Variants in DLG2 observed in about 807,000 individuals in gnomAD.
The protein encoded by DLG2 is disks large homolog 2.
A neutral mutation model predicts 132.5 loss-of-function variants in DLG2; 45 were observed. The ratio of observed to expected loss-of-function variants is 0.34; its 90% confidence interval spans 0.27 to 0.44. DLG2 has a LOEUF of 0.44. DLG2 is among the 20% of genes least tolerant of loss of function. DLG2 has a pLI of 1.00. For synonymous variants in DLG2, 424 were observed against 419.6 expected, an observed-to-expected ratio of 1.01 and a Z score of -0.13; for missense variants, 1,045 against 1,196.9, an observed-to-expected ratio of 0.87 and a Z score of 1.87.
chr11:84,289,113 A>G (rs1302042375), intron 7 of DLG2, among the ~76,000 whole-genome samples: 2 of 152,128 alleles, frequency 1.3e-5, no homozygotes, highest in Non-Finnish European at 1.5e-5. Flanking sequence ...ACTTCCTTTC[A>G]TAATGAAAGG....
chr11:84,306,134 C>A (rs1028535286), intron 7 of DLG2, among the ~76,000 whole-genome samples: 4 of 149,758 alleles, frequency 2.7e-5, no homozygotes, highest in Non-Finnish European at 6.0e-5. Flanking sequence ...AGATTTCACA[C>A]GTTTTTTTCA....
Position 83,912,589 on chromosome 11 carries a change from G to A in DLG2, c.1496+17739C>T, listed in dbSNP as rs1035770803. Among the ~76,000 whole-genome samples, 10 of 152,134 alleles carry A rather than the reference G, an allele frequency of 6.6e-5. No individual in the cohort carries two copies. In the South Asian group the frequency reaches 1.2e-3, roughly 19 times the overall value. ...CGTTTTAGTTTTTTAAATGAAGCGC[G>A]TTAACATAATATCTACTATCTATCA... On this transcript the variant is annotated intron_variant, in intron 15 of 27. Transcript: ENST00000376104.
At chr11:83,462,349 A>G (rs1009151981) in intron 26 of DLG2, among the ~76,000 whole-genome samples, 24 of 152,170 alleles carry the variant, frequency 1.6e-4, no homozygotes, top group African/African-American at 5.8e-4. Flanking sequence ...TATGATTTGT[A>G]GTCACTGGTC....
chr11:83,692,148 C>T (rs2081108287), intron 18 of DLG2: 1 of 152,160 alleles, frequency 6.6e-6, no homozygotes, highest in Admixed American at 6.5e-5. Context: ...GTAAAGGAGC[C>T]TGTTATAAAG....
chr11:85,193,244 G>C (rs185778802), intron 4 of DLG2, among the ~76,000 whole-genome samples: 82 of 152,256 alleles, frequency 5.4e-4, no homozygotes, highest in African/African-American at 1.9e-3. Context: ...GCATGTATCA[G>C]CAGCACACGC....
chr11:85,160,873 C>A (rs1343168982), intron 4 of DLG2, among the ~76,000 whole-genome samples: 1 of 152,190 alleles, frequency 6.6e-6, no homozygotes, highest in Non-Finnish European at 1.5e-5. Flanking sequence ...AGCACTACAA[C>A]CCCTTTCTAG....
chr11:84,819,969 G>T (rs1404750520), intron 6 of DLG2, among the ~76,000 whole-genome samples: 1 of 151,210 alleles, frequency 6.6e-6, no homozygotes, highest in East Asian at 2.0e-4. Context: ...CTGCTACAAA[G>T]AGGTAGGATT....
intron 18 of DLG2, among the ~76,000 whole-genome samples, chr11:83,730,384 A>G (rs938234262): frequency 6.6e-6 from 1 of 152,168 alleles, no homozygotes. Flanking sequence ...TACTTAAGCT[A>G]TAATGTATAT....
At chr11:85,591,616 G>A (rs2079345390) in intron 3 of DLG2, among the ~76,000 whole-genome samples, 1 of 152,138 alleles carries the variant, frequency 6.6e-6, no homozygotes, top group Non-Finnish European at 1.5e-5. Flanking sequence ...GGTGGCACAT[G>A]CCTGTAGTCC....
chr11:84,450,765 C>A (rs1835214233), intron 7 of DLG2, among the ~76,000 whole-genome samples: 1 of 151,696 alleles, frequency 6.6e-6, no homozygotes, highest in Non-Finnish European at 1.5e-5. Context: ...CTATTTAATA[C>A]ATCTATTTTT....
chr11:84,168,590 GA>G (rs1266305179), intron 8 of DLG2, among the ~76,000 whole-genome samples: 51 of 152,228 alleles, frequency 3.4e-4, no homozygotes, highest in African/African-American at 1.2e-3. Context: ...ATGACTATGT[GA>G]GTGAGTAAGT....
intron 4 of DLG2, among the ~76,000 whole-genome samples, chr11:85,224,420 C>G (rs1210341334): frequency 6.6e-6 from 1 of 152,122 alleles, no homozygotes; most frequent in Non-Finnish European, 1.5e-5. Context: ...TTCTTAAGTC[C>G]TTATCTCTGC....
intron 16 of DLG2, among the ~76,000 whole-genome samples, chr11:83,837,895 G>C (rs1402514958): frequency 6.6e-6 from 1 of 151,952 alleles, no homozygotes; most frequent in East Asian, 1.9e-4. Flanking sequence ...AAATAAGAGG[G>C]TGGATTAGAG....
At chr11:84,678,638 T>C (rs2099720993) in intron 6 of DLG2, among the ~76,000 whole-genome samples, 1 of 152,102 alleles carries the variant, frequency 6.6e-6, no homozygotes, top group Non-Finnish European at 1.5e-5. Context: ...TGGCACATAA[T>C]GATCACTGAA....
At chr11:84,196,020 C>G (rs1205103384) in intron 8 of DLG2, among the ~76,000 whole-genome samples, 2 of 151,996 alleles carry the variant, frequency 1.3e-5, no homozygotes, top group South Asian at 4.2e-4. Context: ...AAAACCAACA[C>G]CAAAATAAAA....
chr11:84,153,205 C>T (rs1299273355), intron 9 of DLG2, among the ~76,000 whole-genome samples: 1 of 152,204 alleles, frequency 6.6e-6, no homozygotes, highest in East Asian at 1.9e-4. Flanking sequence ...GCTGAGAAGT[C>T]TGCTGTTAGC....
At chr11:84,577,938 G>C (rs2099506380) in intron 6 of DLG2, among the ~76,000 whole-genome samples, 2 of 152,154 alleles carry the variant, frequency 1.3e-5, no homozygotes, top group Non-Finnish European at 2.9e-5. Flanking sequence ...GTGCAGCCTA[G>C]GGATTTGGTG....
intron 18 of DLG2, among the ~76,000 whole-genome samples, chr11:83,674,631 A>G (rs1461641822): frequency 1.3e-5 from 2 of 152,240 alleles, no homozygotes; most frequent in African/African-American, 2.4e-5. Flanking sequence ...CTGAAGAGGA[A>G]GAAGCCAGTG....
chr11:83,785,839 G>A (rs1414156925), intron 18 of DLG2, among the ~76,000 whole-genome samples: 1 of 152,162 alleles, frequency 6.6e-6, no homozygotes, highest in Non-Finnish European at 1.5e-5. Flanking sequence ...ATACTCTCAT[G>A]TTCAGCTGTT....
Sources: allele counts gnomAD v4.1 joint callset (sites outside exome capture counted in the v4.1 genomes callset), GRCh38; gene constraint gnomAD v4.1.1; transcripts MANE v1.5; gene names NCBI Gene and HGNC (gene_info 2026-07-23, HGNC 2026-07-21).